The following TOP6BL variants were observed in gnomAD, a reference collection of about 807,000 sequenced individuals.
TOP6BL encodes type 2 DNA topoisomerase 6 subunit B-like.
At chr11:66,831,055 G>A in the TOP6BL span, among the ~76,000 whole-genome samples, 1 of 151,976 alleles carries the variant, frequency 6.6e-6, no homozygotes, top group African/African-American at 2.4e-5. Flanking sequence ...GTTCAAAAAA[G>A]AACCACAATG....
chr11:66,839,339 C>T, the TOP6BL span: 1 of 383,776 alleles, frequency 2.6e-6, no homozygotes, highest in Non-Finnish European at 5.2e-6. Flanking sequence ...ATAAACTTAC[C>T]CAAGGCTACA....
At chr11:66,821,053 T>C in the TOP6BL span, among the ~76,000 whole-genome samples, 1 of 152,186 alleles carries the variant, frequency 6.6e-6, no homozygotes, top group South Asian at 2.1e-4. Context: ...TGGTTAATCC[T>C]TGGATAATGC....
the TOP6BL span, among the ~76,000 whole-genome samples, chr11:66,795,615 A>C: frequency 6.6e-6 from 1 of 151,896 alleles, no homozygotes; most frequent in African/African-American, 2.4e-5. Context: ...AATTTCAAAT[A>C]TATGGATCCT....
the TOP6BL span, among the ~76,000 whole-genome samples, chr11:66,764,919 G>A: frequency 2.0e-5 from 3 of 151,894 alleles, no homozygotes; most frequent in Non-Finnish European, 2.9e-5. Context: ...AGTGAGCTGT[G>A]ATTGCGCCAC....
At chr11:66,756,083 G>A in the TOP6BL span, among the ~76,000 whole-genome samples, 1 of 152,160 alleles carries the variant, frequency 6.6e-6, no homozygotes, top group Non-Finnish European at 1.5e-5. Flanking sequence ...GAAGCCAAGA[G>A]ATAATTAGTT....
At chr11:66,772,198 T>C in the TOP6BL span, among the ~76,000 whole-genome samples, 1 of 152,226 alleles carries the variant, frequency 6.6e-6, no homozygotes, top group African/African-American at 2.4e-5. Context: ...TTTTTAAGAA[T>C]TTCATTTTCC....
chr11:66,805,095 G>A, the TOP6BL span, among the ~76,000 whole-genome samples: 16 of 151,828 alleles, frequency 1.1e-4, no homozygotes, highest in East Asian at 7.7e-4. Context: ...AAAGCCAGGC[G>A]TGGTGGTGTA....
the TOP6BL span, chr11:66,788,242 G>A: frequency 6.2e-7 from 1 of 1,613,152 alleles, no homozygotes. Context: ...ATATGACAGG[G>A]GTAACACCCT....
the TOP6BL span, among the ~76,000 whole-genome samples, chr11:66,833,174 G>A: frequency 6.7e-6 from 1 of 149,908 alleles, no homozygotes; most frequent in Non-Finnish European, 1.5e-5. Flanking sequence ...TCAGCCTCCC[G>A]AGTAGCTGGG....
At chr11:66,807,077 A>C in the TOP6BL span, among the ~76,000 whole-genome samples, 2 of 152,162 alleles carry the variant, frequency 1.3e-5, no homozygotes, top group African/African-American at 4.8e-5. Flanking sequence ...TGCAGTGGAG[A>C]TAAATAGAAC....
At chr11:66,806,533 C>T in the TOP6BL span, among the ~76,000 whole-genome samples, 18 of 152,120 alleles carry the variant, frequency 1.2e-4, no homozygotes, top group South Asian at 2.1e-3. Context: ...TTTGGGAGGC[C>T]GAAGCTGGCG....
the TOP6BL span, among the ~76,000 whole-genome samples, chr11:66,786,460 T>C: frequency 6.6e-6 from 1 of 152,224 alleles, no homozygotes; most frequent in Non-Finnish European, 1.5e-5. Context: ...AGTTTTTGTT[T>C]CACCTTTTTA....
At chr11:66,767,935 G>A in the TOP6BL span, among the ~76,000 whole-genome samples, 1 of 152,070 alleles carries the variant, frequency 6.6e-6, no homozygotes, top group Non-Finnish European at 1.5e-5. Flanking sequence ...GGGACCACAG[G>A]TGTGTACCAC....
the TOP6BL span, among the ~76,000 whole-genome samples, chr11:66,785,452 A>G: frequency 6.6e-6 from 1 of 152,102 alleles, no homozygotes; most frequent in African/African-American, 2.4e-5. Context: ...TTTTCATGGT[A>G]TTAATCTTCT....
At chr11:66,751,376 G>A in the TOP6BL span, among the ~76,000 whole-genome samples, 74 of 151,980 alleles carry the variant, frequency 4.9e-4, 1 homozygote, top group African/African-American at 1.8e-3. Flanking sequence ...TGTATTTTTA[G>A]TAGAGACCAG....
chr11:66,798,652 A>G, the TOP6BL span, among the ~76,000 whole-genome samples: 3 of 151,914 alleles, frequency 2.0e-5, no homozygotes, highest in Non-Finnish European at 4.4e-5. Flanking sequence ...AGAATGGCAA[A>G]GAGGCAGGGA....
chr11:66,802,027 G>A, the TOP6BL span, among the ~76,000 whole-genome samples: 1 of 151,996 alleles, frequency 6.6e-6, no homozygotes, highest in Non-Finnish European at 1.5e-5. Context: ...TTTGAGACAG[G>A]GTCTCAGTCT....
chr11:66,788,199 C>T, the TOP6BL span: 1 of 1,613,910 alleles, frequency 6.2e-7, no homozygotes, highest in Admixed American at 1.7e-5. Flanking sequence ...GCAAAGCTGA[C>T]TTGGACTTCA....
the TOP6BL span, chr11:66,756,355 TGGAGTCTCACTCTGTTACCCAGGCC>T: frequency 1.7e-6 from 2 of 1,193,528 alleles, no homozygotes; most frequent in African/African-American, 3.3e-5. Flanking sequence ...TTTCTCAGGA[TGGAGTCTCACTCTGTTACCCAGGCC>T]GGAGTGCAGT....
Sources: allele counts gnomAD v4.1 joint callset (sites outside exome capture counted in the v4.1 genomes callset), GRCh38; gene constraint gnomAD v4.1.1; transcripts MANE v1.5; gene names NCBI Gene and HGNC (gene_info 2026-07-23, HGNC 2026-07-21).